Variants in FBXL7 observed in about 807,000 individuals in gnomAD.
FBXL7 encodes the protein F-box and leucine rich repeat protein 7.
FBXL7 carries 12 observed loss-of-function variants against 38.3 expected under a neutral mutation model. That is an observed-to-expected ratio of 0.31 (90% CI 0.20 to 0.51). FBXL7 has a LOEUF of 0.51. Ranked by LOEUF, FBXL7 falls within the 20% of genes least tolerant of loss-of-function variation. The pLI, the probability that FBXL7 is intolerant of heterozygous loss-of-function variation, is 0.98. For synonymous variants in FBXL7, 297 were observed against 300.9 expected, an observed-to-expected ratio of 0.99 and a Z score of 0.13; for missense variants, 567 against 676.4, an observed-to-expected ratio of 0.84 and a Z score of 1.79.
At chr5:15,641,311 A>T (rs768825967) in intron 2 of FBXL7, among the ~76,000 whole-genome samples, 9 of 152,096 alleles carry the variant, frequency 5.9e-5, no homozygotes, top group Non-Finnish European at 1.0e-4. Flanking sequence ...CCCAAACAAG[A>T]TGGAGTCCTG....
At chr5:15,560,324 A>G (rs1050171536) in intron 1 of FBXL7, among the ~76,000 whole-genome samples, 2 of 152,212 alleles carry the variant, frequency 1.3e-5, no homozygotes, top group Non-Finnish European at 2.9e-5. Context: ...GTTAGTTAAA[A>G]TGCTTATCTT....
intron 2 of FBXL7, among the ~76,000 whole-genome samples, chr5:15,872,249 C>G (rs1739999084): frequency 6.6e-6 from 1 of 152,104 alleles, no homozygotes; most frequent in Admixed American, 6.5e-5. Flanking sequence ...TTTGTCACCA[C>G]CAGACCTGCC....
chr5:15,873,334 A>T (rs1252556231), intron 2 of FBXL7, among the ~76,000 whole-genome samples: 1 of 152,162 alleles, frequency 6.6e-6, no homozygotes, highest in Non-Finnish European at 1.5e-5. Flanking sequence ...TTGACACCCT[A>T]ACATCACAAT....
At chr5:15,756,644 A>T (rs1736305848) in intron 2 of FBXL7, among the ~76,000 whole-genome samples, 1 of 152,176 alleles carries the variant, frequency 6.6e-6, no homozygotes, top group South Asian at 2.1e-4. Context: ...ACCAGGGATA[A>T]TAAAGGCTTT....
At chr5:15,671,889 A>G (rs1742488916) in intron 2 of FBXL7, among the ~76,000 whole-genome samples, 1 of 152,222 alleles carries the variant, frequency 6.6e-6, no homozygotes, top group Non-Finnish European at 1.5e-5. Context: ...AGAGAAATAT[A>G]CAACCTTTGA....
At chr5:15,596,005 G>C (rs1462787423) in intron 1 of FBXL7, among the ~76,000 whole-genome samples, 1 of 152,218 alleles carries the variant, frequency 6.6e-6, no homozygotes, top group South Asian at 2.1e-4. Context: ...TAGGGCTGCT[G>C]TAAGAGTTAA....
chr5:15,917,275 A>G lies in FBXL7; in HGVS notation c.128-10615A>G, dbSNP rs116367971. Among the ~76,000 whole-genome samples the G allele has an allele frequency of 9.6e-3, 1,464 of 152,300 alleles. 18 individuals carry two copies. The highest frequency in any genetic ancestry group is 0.032 in the African/African-American group (1,328 of 41,546). The stretch of plus-strand genomic sequence containing the variant: ...ACTTAAATTATTATTTAAAAGCTGA[A>G]TATTATAGTTTTACTTGGAAAACCA... On this transcript the variant is annotated intron_variant, in intron 2 of 3. Transcript: ENST00000504595.
intron 2 of FBXL7, among the ~76,000 whole-genome samples, chr5:15,898,725 A>G (rs1393751049): frequency 6.6e-6 from 1 of 152,236 alleles, no homozygotes; most frequent in Non-Finnish European, 1.5e-5. Context: ...TTCTCGGCTC[A>G]GCTAATCCAT....
At position 15,644,304 on chromosome 5, in the gene FBXL7, CAAAAAAAAAAAA is replaced by C. The variant is rs369213583; in HGVS notation, c.127+28244_127+28255del. ...AGAAACCCCGTCTCTACTAAAAATC[CAAAAAAAAAAAA>C]AAAAAAAAAAAGGCCAGGCGTGGTA... is the stretch of plus-strand genomic sequence containing the variant. On this transcript the variant is annotated intron_variant, in intron 2 of 3. Coordinates refer to ENST00000504595, the MANE Select transcript of FBXL7 (RefSeq NM_012304.5). 1.8e-4 allele frequency among the ~76,000 whole-genome samples: 17 copies of C among 94,810 alleles called. No homozygotes were observed. In the South Asian group the frequency reaches 4.3e-3, roughly 24 times the overall value. The allele number at this position is 94,810 out of a possible 152,430, so 62.2% of individuals were successfully genotyped here. A position where few individuals can be genotyped will look rare whatever the true frequency, so the allele number is the denominator to read the frequency against.
At chr5:15,791,081 G>A (rs543207677) in intron 2 of FBXL7, among the ~76,000 whole-genome samples, 8 of 143,962 alleles carry the variant, frequency 5.6e-5, no homozygotes, top group Admixed American at 2.8e-4. Context: ...AGGGGGGGGG[G>A]GGTTATTGCA....
chr5:15,762,659 G>A (rs1736480774), intron 2 of FBXL7, among the ~76,000 whole-genome samples: 1 of 152,196 alleles, frequency 6.6e-6, no homozygotes, highest in Admixed American at 6.5e-5. Context: ...TCTTAGAGTT[G>A]TTTTGAAAGT....
intron 1 of FBXL7, among the ~76,000 whole-genome samples, chr5:15,592,572 T>C (rs1291115674): frequency 6.6e-6 from 1 of 152,202 alleles, no homozygotes; most frequent in African/African-American, 2.4e-5. Context: ...CTTTCCATTT[T>C]AAATGTGAGT....
At chr5:15,578,099 C>T (rs1382432641) in intron 1 of FBXL7, among the ~76,000 whole-genome samples, 1 of 152,044 alleles carries the variant, frequency 6.6e-6, no homozygotes, top group Non-Finnish European at 1.5e-5. Context: ...GCAGTTCGTC[C>T]ACAGAAATAT....
In FBXL7 at chr5:15,927,999, C is replaced by A; in HGVS notation, c.237C>A (p.Ser79=). The part of the protein sequence containing the change: ...NGRGSSTSSS[S]ITGETVAMVH... ...GGGGCTCGTCCACCTCCTCGTCCTCCATCACCGGGGAGACGGTGGCCATGG... is the reference window on the plus strand; with the variant it reads ...GGGGCTCGTCCACCTCCTCGTCCTCAATCACCGGGGAGACGGTGGCCATGG... The change falls in exon 3 of 4, where the codon TCC becomes TCA. Residue 79 remains serine (S), a synonymous_variant. Transcript: ENST00000504595. The A allele has an allele frequency of 6.2e-7, 1 of 1,602,664 alleles. No individual in the cohort carries two copies. The highest frequency in any genetic ancestry group is 8.5e-7 in the Non-Finnish European group (1 of 1,173,042).
chr5:15,677,672 A>ATT (rs1436260378), intron 2 of FBXL7, among the ~76,000 whole-genome samples: 2 of 152,166 alleles, frequency 1.3e-5, no homozygotes, highest in Non-Finnish European at 1.5e-5. Context: ...GGAGAATTTT[A>ATT]TTAAAATCAT....
intron 1 of FBXL7, among the ~76,000 whole-genome samples, chr5:15,512,252 A>G (rs780865551): frequency 2.0e-5 from 3 of 152,230 alleles, no homozygotes; most frequent in Non-Finnish European, 4.4e-5. Context: ...ATTGTTGAAT[A>G]GAAATCCATC....
intron 2 of FBXL7, among the ~76,000 whole-genome samples, chr5:15,637,473 C>G (rs999737038): frequency 1.3e-5 from 2 of 152,170 alleles, no homozygotes; most frequent in Admixed American, 1.3e-4. Flanking sequence ...AAGCAAATGA[C>G]AAAAGTATCA....
chr5:15,740,043 C>T (rs1435881818), intron 2 of FBXL7, among the ~76,000 whole-genome samples: 2 of 152,066 alleles, frequency 1.3e-5, no homozygotes, highest in African/African-American at 2.4e-5. Flanking sequence ...ACATCGTCAC[C>T]AACACTTTTT....
intron 2 of FBXL7, among the ~76,000 whole-genome samples, chr5:15,838,664 CT>C (rs765599469): frequency 6.6e-6 from 1 of 152,192 alleles, no homozygotes; most frequent in Middle Eastern, 3.4e-3. Flanking sequence ...ACTGATGACC[CT>C]ACCTCCTCCT....
Sources: gnomAD v4.1 joint callset for allele counts (sites outside exome capture counted in the v4.1 genomes callset) on GRCh38, gnomAD v4.1.1 for gene constraint, MANE v1.5 for transcripts, NCBI Gene and HGNC (gene_info 2026-07-23, HGNC 2026-07-21) for gene names.